PRMT2: variants seen among roughly 807,000 people sequenced by gnomAD.
The protein encoded by PRMT2 is protein arginine methyltransferase 2.
Under a neutral mutation model 57.6 loss-of-function variants are expected in PRMT2, and 26 were observed. The observed-to-expected ratio is 0.45, with a 90% CI of 0.33 to 0.63. The LOEUF (loss-of-function observed/expected upper bound fraction) is 0.63. Ranked by LOEUF, PRMT2 falls within the 20% of genes least tolerant of loss-of-function variation. PRMT2 has a pLI of 0.02. For synonymous variants in PRMT2, 219 were observed against 220.0 expected (o/e 1.00, Z 0.04); for missense variants, 472 against 564.4 (o/e 0.84, Z 1.66).
intron 7 of PRMT2, chr21:46,654,931 T>C: frequency 2.0e-6 from 2 of 983,054 alleles, no homozygotes; most frequent in Non-Finnish European, 2.4e-6. Flanking sequence ...GTACATAGAG[T>C]GTACATACAT....
At position 46,646,700 on chromosome 21, in the gene PRMT2, A is replaced by G. The variant is rs954390297; in HGVS notation, c.328-1758A>G. Among the ~76,000 whole-genome samples the G allele has an allele frequency of 9.9e-5, 15 of 152,270 alleles. No individual in the cohort carries two copies. The South Asian group carries it at 2.5e-3, about 25-fold the overall frequency. On this transcript the variant is annotated intron_variant, in intron 5 of 11. Transcript: ENST00000355680. ...CTGTTAAATGCTGTTTAGAATTTCT[A>G]TAGGGTAAATTCCTACGGGGTGTGT...
intron 7 of PRMT2, chr21:46,657,367 T>G (rs547815539): frequency 7.8e-6 from 1 of 127,470 alleles, no homozygotes; most frequent in East Asian, 2.2e-4. Context: ...CTAGCTCTCT[T>G]TATAATTGCA....
At position 46,653,354 on chromosome 21, in the gene PRMT2, G is replaced by A. The variant is rs574736668; in HGVS notation, c.654+3615G>A. The A allele has an allele frequency of 3.6e-5, 35 of 985,390 alleles. No homozygotes were observed. In the Admixed American group the frequency reaches 1.9e-3, roughly 54 times the overall value. The allele number at this position is 985,390 out of a possible 1,614,324, so 61.0% of individuals were successfully genotyped here. ...TTAATTTCATACCAATAACACTTCA[G>A]ACTTCGGATGTATTTAAGGCTGTTT... On this transcript the variant is annotated intron_variant, in intron 7 of 11. Transcript: ENST00000355680.
chr21:46,642,339 T>TG (rs144741845), intron 3 of PRMT2, among the ~76,000 whole-genome samples: 10,671 of 152,276 alleles, frequency 0.07, 539 homozygotes, highest in Non-Finnish European at 0.1. Context: ...ATTCATAGAC[T>TG]GGATATTAAA....
chr21:46,649,525 C>T lies in PRMT2; in HGVS notation c.490-50C>T, dbSNP rs373102320. The T allele has an allele frequency of 8.2e-5, 133 of 1,612,798 alleles. No individual in the cohort carries two copies. The highest frequency in any genetic ancestry group is 3.8e-4 in the South Asian group (35 of 91,014). ...GGTTGTGACTCAGGAGAGTAGATGA[C>T]GGGCCGTGTGCCGGCCGGATGTACG... On this transcript the variant is annotated intron_variant, in intron 6 of 11. Transcript: ENST00000355680. The surrounding 1 kb of genome is among the most constrained non-coding windows in gnomAD (Gnocchi z 4.8).
chr21:46,659,026 GA>G (rs2061581848), intron 8 of PRMT2, 106 bp downstream of exon 8: 1 of 1,471,022 alleles, frequency 6.8e-7, no homozygotes, highest in East Asian at 2.4e-5. Flanking sequence ...TTGGATAAAT[GA>G]GGGTACCTGT....
chr21:46,651,968 T>C lies in PRMT2; in HGVS notation c.654+2229T>C, dbSNP rs533133219. Reference sequence around the variant, plus strand: ...GCCTGTTCTCAGAGCCCCTCAGCCCTCAGGCCTTCATCTCTCCTGGCCCAT... The same window carrying C: ...GCCTGTTCTCAGAGCCCCTCAGCCCCCAGGCCTTCATCTCTCCTGGCCCAT... On this transcript the variant is annotated intron_variant, in intron 7 of 11. Coordinates refer to ENST00000355680, the MANE Select transcript of PRMT2 (RefSeq NM_206962.4). 32 of 1,613,250 alleles carry C rather than the reference T, an allele frequency of 2.0e-5. No individual in the cohort carries two copies. In the South Asian group the frequency reaches 3.2e-4, roughly 16 times the overall value.
intron 3 of PRMT2, among the ~76,000 whole-genome samples, chr21:46,639,919 T>G (rs867788386): frequency 1.3e-5 from 2 of 152,208 alleles, no homozygotes; most frequent in Non-Finnish European, 2.9e-5. Context: ...TGCTGTTTGT[T>G]TTATGTTTGT....
At chr21:46,652,174 A>C in intron 7 of PRMT2, 1 of 1,424,140 alleles carries the variant, frequency 7.0e-7, no homozygotes, top group South Asian at 1.5e-5. Context: ...GCTAAAATAA[A>C]CCTCAGATGG....
chr21:46,653,971 C>T (rs1156443839), intron 7 of PRMT2: 6 of 1,000,288 alleles, frequency 6.0e-6, no homozygotes, highest in Non-Finnish European at 4.7e-6. Context: ...CATTTCCGAA[C>T]TTTCACGTCA....
chr21:46,658,969 CCA>C (rs540393359), intron 8 of PRMT2, 49 bp downstream of exon 8: 1 of 1,580,470 alleles, frequency 6.3e-7, no homozygotes, highest in Non-Finnish European at 8.6e-7. Flanking sequence ...GCCTCCTGGT[CCA>C]CAGTCTGCAG....
In PRMT2 at chr21:46,658,914, C is replaced by T; in HGVS notation, c.824C>T (p.Ala275Val). The change falls in exon 8 of 12, where the codon GCT (alanine) becomes GTT (valine). Residue 275 changes from alanine (A) to valine (V), a missense_variant. This residue lies in a region of PRMT2 where 229 missense variants were observed against 217.2 expected (regional missense o/e 1.05). Transcript: ENST00000355680. ...WDNAYEFNLS[A>V]LKSLAVKEFF... is the part of the protein sequence containing the mutation. ...AACGCGTACGAGTTCAACCTCAGCG[C>T]TCTGAAGTAAGTGTCCACAGCTGGG... The T allele has an allele frequency of 6.2e-7, 1 of 1,613,332 alleles. No individual in the cohort carries two copies.
rs1024605124 is a variant in PRMT2, at chr21:46,664,435, A to C, written c.*108A>C. 1 of 1,393,448 alleles carries C rather than the reference A, an allele frequency of 7.2e-7. No individual in the cohort carries two copies. Among genetic ancestry groups the C allele is most frequent in the East Asian group, 2.3e-5 (1 of 43,768 alleles). The allele number at this position is 1,393,448 out of a possible 1,614,324, so 86.3% of individuals were successfully genotyped here. ...CACACTCCTGCGAAAGTCGGTGAAC[A>C]TTCACTCCACATTGACCCCTCCCTA... On this transcript the variant is annotated 3_prime_UTR_variant, in exon 12 of 12. Transcript: ENST00000355680.
chr21:46,654,900 C>G, intron 7 of PRMT2: 1 of 984,680 alleles, frequency 1.0e-6, no homozygotes, highest in Non-Finnish European at 1.2e-6. Flanking sequence ...TTATCATTTT[C>G]TTTCTTCTCC....
At chr21:46,653,936 G>GTTT (rs78403994) in intron 7 of PRMT2, 20 of 959,052 alleles carry the variant, frequency 2.1e-5, no homozygotes, top group South Asian at 1.3e-4. Context: ...TTCTTTTCTT[G>GTTT]TTTTTTTTTT....
intron 7 of PRMT2, chr21:46,654,088 T>C: frequency 1.0e-6 from 1 of 985,722 alleles, no homozygotes; most frequent in Non-Finnish European, 1.2e-6. Context: ...TGCAGTGTCC[T>C]CCTTCCCAGC....
chr21:46,655,807 G>T (rs572289800), intron 7 of PRMT2, among the ~76,000 whole-genome samples: 54 of 152,236 alleles, frequency 3.5e-4, no homozygotes, highest in African/African-American at 1.3e-3. Flanking sequence ...AGAAACCCCA[G>T]AAAACCTAAA....
Position 46,648,457 on chromosome 21 carries a change from G to A in PRMT2, c.328-1G>A. 1 of 1,613,888 alleles carries A rather than the reference G, an allele frequency of 6.2e-7. No homozygotes were observed. The highest frequency in any genetic ancestry group is 1.1e-5 in the South Asian group (1 of 91,074). ...TGATTCTGAATGTGCATTTCTTCCA[G>A]AAACTCCACTTGGAGATGTTGGCAG... On this transcript the variant is annotated splice_acceptor_variant, in intron 5 of 11. Coordinates refer to ENST00000355680, the MANE Select transcript of PRMT2 (RefSeq NM_206962.4). LOFTEE classifies it high-confidence loss of function. This position sits in a 1 kb window ranked among gnomAD's most constrained non-coding sequence, Gnocchi z 4.8.
intron 3 of PRMT2, among the ~76,000 whole-genome samples, chr21:46,641,848 G>A (rs2300410): frequency 0.24 from 36,438 of 151,730 alleles, 4,563 homozygotes; most frequent in Middle Eastern, 0.3. Context: ...TGGGTGGATC[G>A]GGGATGGGGT....
Sources: gnomAD v4.1 joint callset for allele counts (sites outside exome capture counted in the v4.1 genomes callset) on GRCh38, gnomAD v4.1.1 for gene constraint, gnomAD v4.1.1 regional missense constraint, Gnocchi (gnomAD v3.1) non-coding constraint, MANE v1.5 for transcripts, NCBI Gene and HGNC (gene_info 2026-07-23, HGNC 2026-07-21) for gene names.